The following CMTM4 variants were observed in gnomAD, a reference collection of about 807,000 sequenced individuals.
CMTM4 encodes the protein CKLF like MARVEL transmembrane domain containing 4.
CMTM4 carries 8 observed loss-of-function variants against 19.0 expected under a neutral mutation model. The ratio of observed to expected loss-of-function variants is 0.42; its 90% CI spans 0.25 to 0.76. CMTM4 has a LOEUF of 0.76. Among genes scored for constraint, CMTM4 ranks in the 30% least tolerant of loss-of-function variants. The pLI is 0.27. For synonymous variants in CMTM4, 106 were observed against 121.1 expected, an observed-to-expected ratio of 0.88 and a Z score of 0.82; for missense variants, 228 against 290.2, an observed-to-expected ratio of 0.79 and a Z score of 1.56.
chr16:66,672,091 A>G (rs2016718013), intron 1 of CMTM4, among the ~76,000 whole-genome samples: 1 of 152,116 alleles, frequency 6.6e-6, no homozygotes, highest in Non-Finnish European at 1.5e-5. Flanking sequence ...ATGTTGGTGC[A>G]AAAGTAATTG....
chr16:66,630,827 G>A (rs2015843867), intron 2 of CMTM4, among the ~76,000 whole-genome samples: 1 of 150,600 alleles, frequency 6.6e-6, no homozygotes, highest in South Asian at 2.1e-4. Context: ...ATCTCTGCCC[G>A]GCCGCCATCC....
In CMTM4 at chr16:66,622,541, G is replaced by A. The variant is rs951429040; in HGVS notation, c.463-319C>T. On this transcript the variant is annotated intron_variant, in intron 3 of 3. Transcript: ENST00000394106. The surrounding 1 kb of genome is among the most constrained non-coding windows in gnomAD (Gnocchi z 4.0). ...CTTGCCTGACCTAAAGACAGCCTAAGGTTTCTTTTGAAGTATTTTGGACGT... is the reference window on the plus strand; with the variant it reads ...CTTGCCTGACCTAAAGACAGCCTAAAGTTTCTTTTGAAGTATTTTGGACGT... Among the ~76,000 whole-genome samples, 1 of 152,162 alleles carries A rather than the reference G, an allele frequency of 6.6e-6. No individual in the cohort carries two copies. The highest frequency in any genetic ancestry group is 2.4e-5 in the African/African-American group (1 of 41,416).
chr16:66,658,389 AT>A (rs780871920), intron 1 of CMTM4, among the ~76,000 whole-genome samples: 1 of 144,934 alleles, frequency 6.9e-6, no homozygotes, highest in Non-Finnish European at 1.5e-5. Context: ...CCAAAAAAAC[AT>A]TCTTTTTCTG....
intron 1 of CMTM4, among the ~76,000 whole-genome samples, chr16:66,685,664 G>C (rs1490153748): frequency 1.1e-4 from 17 of 152,058 alleles, no homozygotes; most frequent in Admixed American, 1.1e-3. Flanking sequence ...TGTTTTTTGA[G>C]GTAGGGTCTC....
chr16:66,694,712 CAAAAAAAAA>C (rs752909314), intron 1 of CMTM4, among the ~76,000 whole-genome samples: 3 of 44,368 alleles, frequency 6.8e-5, no homozygotes, highest in African/African-American at 2.5e-4. Flanking sequence ...GACTCCATCT[CAAAAAAAAA>C]AAAAAAAAAA....
chr16:66,626,948 A>G (rs2015752790), intron 2 of CMTM4, among the ~76,000 whole-genome samples: 1 of 151,896 alleles, frequency 6.6e-6, no homozygotes, highest in South Asian at 2.1e-4. Context: ...AAAAAATTCA[A>G]AAAAATTAGC....
At position 66,622,373 on chromosome 16, in the gene CMTM4, A is replaced by G; in HGVS notation, c.463-151T>C. The G allele has an allele frequency of 2.3e-6, 2 of 864,800 alleles. No individual in the cohort carries two copies. Among genetic ancestry groups the G allele is most frequent in the Non-Finnish European group, 3.5e-6 (2 of 570,870 alleles). The allele number at this position is 864,800 out of a possible 1,614,324, so 53.6% of individuals were successfully genotyped here. A position where few individuals can be genotyped will look rare whatever the true frequency, so the allele number is the denominator to read the frequency against. On this transcript the variant is annotated intron_variant, in intron 3 of 3. Transcript: ENST00000394106. This position sits in a 1 kb window ranked among gnomAD's most constrained non-coding sequence, Gnocchi z 4.0. ...CATTCCTTGATCTCTTCCCCCTCTC[A>G]GCAGCCCCATTTGATCTAAAGTCTT...
intron 1 of CMTM4, among the ~76,000 whole-genome samples, chr16:66,668,204 T>C (rs1460338342): frequency 6.6e-6 from 1 of 151,528 alleles, no homozygotes; most frequent in Non-Finnish European, 1.5e-5. Flanking sequence ...AGACAGAGTT[T>C]CGCTATGTTG....
chr16:66,674,279 T>A (rs1320677418), intron 1 of CMTM4, among the ~76,000 whole-genome samples: 1 of 152,118 alleles, frequency 6.6e-6, no homozygotes, highest in Non-Finnish European at 1.5e-5. Context: ...TGCTTGGCCC[T>A]TCCAAGGCTC....
chr16:66,671,039 AT>A (rs1196091598), intron 1 of CMTM4, among the ~76,000 whole-genome samples: 4 of 152,110 alleles, frequency 2.6e-5, no homozygotes, highest in African/African-American at 9.7e-5. Flanking sequence ...AGGGACACAA[AT>A]TTTTTTGTAA....
chr16:66,674,580 T>A (rs939126152), intron 1 of CMTM4, among the ~76,000 whole-genome samples: 1 of 152,004 alleles, frequency 6.6e-6, no homozygotes, highest in African/African-American at 2.4e-5. Flanking sequence ...CCACTGGAAT[T>A]AGGTTCAAGT....
chr16:66,607,836 T>G, the CMTM4 span, among the ~76,000 whole-genome samples: 7,459 of 134,356 alleles, frequency 0.056, 278 homozygotes, highest in East Asian at 0.16. Flanking sequence ...CCATGCTGGG[T>G]TTTTTTTTTT....
rs1387962918 is a variant in CMTM4, at chr16:66,616,815, C to T, written c.*5243G>A. On this transcript the variant is annotated 3_prime_UTR_variant, in exon 4 of 4. Coordinates refer to ENST00000394106, the MANE Select transcript of CMTM4 (RefSeq NM_181521.3). ...CTCACCATCCCTACGCGTCTCCTCA[C>T]CATCCCTACGCGTGACTGACTTTCC... 4 of 153,882 alleles carry T rather than the reference C, an allele frequency of 2.6e-5. No homozygotes were observed. Among genetic ancestry groups the T allele is most frequent in the African/African-American group, 9.7e-5 (4 of 41,450 alleles). The allele number at this position is 153,882 out of a possible 1,614,324, so 9.5% of individuals were successfully genotyped here. A position where few individuals can be genotyped will look rare whatever the true frequency, so the allele number is the denominator to read the frequency against.
the CMTM4 span, chr16:66,605,221 G>A: frequency 2.9e-6 from 1 of 344,218 alleles, no homozygotes; most frequent in Non-Finnish European, 5.3e-6. This position sits in a 1 kb window ranked among gnomAD's most constrained non-coding sequence, Gnocchi z 4.6. Context: ...GGTGGGGCCC[G>A]GGGATGTGGG....
intron 1 of CMTM4, among the ~76,000 whole-genome samples, chr16:66,667,479 C>T (rs1248476872): frequency 6.6e-6 from 1 of 152,134 alleles, no homozygotes; most frequent in Non-Finnish European, 1.5e-5. Flanking sequence ...AGAAATGTGT[C>T]GTCATATGTA....
intron 1 of CMTM4, among the ~76,000 whole-genome samples, chr16:66,688,887 C>A (rs984132736): frequency 4.6e-5 from 7 of 152,128 alleles, no homozygotes; most frequent in African/African-American, 1.4e-4. Context: ...CTAAGAATTT[C>A]ATTCTTTTGA....
chr16:66,610,196 C>A, downstream of CMTM4: 4 of 692,104 alleles, frequency 5.8e-6, 1 homozygote, highest in South Asian at 1.9e-5. This position sits in a 1 kb window ranked among gnomAD's most constrained non-coding sequence, Gnocchi z 4.6. Flanking sequence ...CGTGCACCCT[C>A]ACCCCAGCCT....
At chr16:66,683,145 A>ATG (rs1567432030) in intron 1 of CMTM4, among the ~76,000 whole-genome samples, 1 of 127,586 alleles carries the variant, frequency 7.8e-6, no homozygotes, top group East Asian at 2.5e-4. Context: ...ATATATATAT[A>ATG]TGTATATATA....
rs200197369 is a variant in CMTM4, at chr16:66,622,205, C to A, written c.480G>T (p.Ala160=). ...ATGTGTTCACTGCATATGCCGCAGT[C>A]GCCAAGAAGCCAAATATCTAAAAAC... ...EIAAVIFGFL[A]TAAYAVNTFL... The change falls in exon 4 of 4, where the codon GCG becomes GCT. Residue 160 remains alanine (A), a synonymous_variant. Coordinates refer to ENST00000394106, the MANE Select transcript of CMTM4 (RefSeq NM_181521.3). The surrounding 1 kb of genome is among the most constrained non-coding windows in gnomAD (Gnocchi z 4.0). 2.0e-5 allele frequency: 33 copies of A among 1,613,828 alleles called. No individual in the cohort carries two copies. In the Admixed American group the frequency reaches 4.0e-4, roughly 20 times the overall value.
Sources: gnomAD v4.1 joint callset for allele counts (sites outside exome capture counted in the v4.1 genomes callset) on GRCh38, gnomAD v4.1.1 for gene constraint, Gnocchi (gnomAD v3.1) non-coding constraint, MANE v1.5 for transcripts, NCBI Gene and HGNC (gene_info 2026-07-23, HGNC 2026-07-21) for gene names.